Variants in SV2C observed in about 807,000 individuals in gnomAD.
SV2C encodes the protein solute carrier family 22 member B3.
In SV2C, 49 loss-of-function variants were observed where a neutral mutation model predicts 79.7. The observed-to-expected ratio is 0.61, with a 90% CI of 0.49 to 0.78. SV2C has a LOEUF of 0.78. Among genes scored for constraint, SV2C ranks in the 30% least tolerant of loss-of-function variants. SV2C has a pLI of 0.00. For missense variants in SV2C, 833 were observed against 912.9 expected, an observed-to-expected ratio of 0.91 and a Z score of 1.13; for synonymous variants, 334 against 333.2, an observed-to-expected ratio of 1.00 and a Z score of -0.03.
intron 4 of SV2C, among the ~76,000 whole-genome samples, chr5:76,261,129 T>C (rs1175293890): frequency 2.0e-5 from 3 of 152,200 alleles, no homozygotes; most frequent in Admixed American, 6.5e-5. Context: ...GAGCAATGGT[T>C]TGTATTTCTC....
chr5:76,339,386 G>A (rs754072832), intron 12 of SV2C, among the ~76,000 whole-genome samples: 1 of 152,136 alleles, frequency 6.6e-6, no homozygotes, highest in East Asian at 1.9e-4. Context: ...ATAAAAACTG[G>A]TTGTGATTAG....
At chr5:75,947,237 G>A in the SV2C span, among the ~76,000 whole-genome samples, 2 of 152,052 alleles carry the variant, frequency 1.3e-5, no homozygotes, top group African/African-American at 4.8e-5. Flanking sequence ...TTAACTTGTG[G>A]AGTGGAATCC....
chr5:76,130,815 G>A (rs937065339), intron 1 of SV2C, among the ~76,000 whole-genome samples: 1 of 152,092 alleles, frequency 6.6e-6, no homozygotes, highest in Non-Finnish European at 1.5e-5. Flanking sequence ...GAGGGAGAGA[G>A]GGAGAGAGAG....
the SV2C span, among the ~76,000 whole-genome samples, chr5:76,023,505 A>G: frequency 6.6e-6 from 1 of 152,034 alleles, no homozygotes; most frequent in African/African-American, 2.4e-5. Flanking sequence ...ACAGGAGTAC[A>G]AGAGCTTGTG....
At chr5:75,918,145 C>G in the SV2C span, among the ~76,000 whole-genome samples, 4 of 152,130 alleles carry the variant, frequency 2.6e-5, no homozygotes, top group African/African-American at 9.7e-5. Context: ...GGCAAGTGAA[C>G]AAATAATATG....
chr5:76,246,961 C>T (rs557052587), intron 4 of SV2C, among the ~76,000 whole-genome samples: 141 of 152,138 alleles, frequency 9.3e-4, no homozygotes, highest in Admixed American at 2.4e-3. Flanking sequence ...GGTGGAGGTA[C>T]GAAGAGATTC....
the SV2C span, among the ~76,000 whole-genome samples, chr5:75,974,578 T>C: frequency 6.6e-6 from 1 of 152,182 alleles, no homozygotes; most frequent in African/African-American, 2.4e-5. Context: ...TTTACCTGAT[T>C]GATTTGTAGT....
At chr5:75,950,566 A>G in the SV2C span, among the ~76,000 whole-genome samples, 1 of 152,032 alleles carries the variant, frequency 6.6e-6, no homozygotes, top group Non-Finnish European at 1.5e-5. Context: ...TGGTCAAAAT[A>G]TGCTTGGAAA....
At chr5:76,248,675 G>A (rs186058406) in intron 4 of SV2C, among the ~76,000 whole-genome samples, 59 of 151,132 alleles carry the variant, frequency 3.9e-4, no homozygotes, top group African/African-American at 1.4e-3. Context: ...CTGGAGTGCA[G>A]TGGTGCGATC....
chr5:76,223,371 T>C (rs1745128318), intron 4 of SV2C, among the ~76,000 whole-genome samples: 1 of 146,668 alleles, frequency 6.8e-6, no homozygotes, highest in Non-Finnish European at 1.5e-5. Context: ...GAGGTTACAA[T>C]GAGTCATGGT....
intron 2 of SV2C, among the ~76,000 whole-genome samples, chr5:76,160,918 C>T (rs1195811022): frequency 1.3e-5 from 2 of 151,314 alleles, no homozygotes; most frequent in South Asian, 2.1e-4. Flanking sequence ...GAAACCCTCA[C>T]ACACTGCTGG....
chr5:76,213,530 C>T lies in SV2C; in HGVS notation c.913+3643C>T, dbSNP rs147818959. Reference sequence around the variant, plus strand: ...TGAAAACACTCATGCTTGGATTTACCCCACATCAATCAAATCAGATTCTCT... The same window carrying T: ...TGAAAACACTCATGCTTGGATTTACTCCACATCAATCAAATCAGATTCTCT... On this transcript the variant is annotated intron_variant, in intron 4 of 12. Transcript: ENST00000502798. Among the ~76,000 whole-genome samples the T allele has an allele frequency of 7.0e-3, 1,069 of 152,226 alleles. 10 individuals carry two copies. The highest frequency in any genetic ancestry group is 0.012 in the Non-Finnish European group (808 of 67,996).
At chr5:75,915,540 T>TA in the SV2C span, among the ~76,000 whole-genome samples, 1 of 152,226 alleles carries the variant, frequency 6.6e-6, no homozygotes, top group East Asian at 1.9e-4. Flanking sequence ...AATATATAGT[T>TA]AGATATGAGC....
At chr5:76,131,245 C>T (rs527883839) in intron 1 of SV2C, among the ~76,000 whole-genome samples, 2 of 152,092 alleles carry the variant, frequency 1.3e-5, no homozygotes, top group Non-Finnish European at 2.9e-5. Context: ...TCTGGTTTGT[C>T]TTTGCAATAT....
intron 1 of SV2C, among the ~76,000 whole-genome samples, chr5:76,103,199 T>C (rs1052368771): frequency 2.0e-5 from 3 of 152,204 alleles, no homozygotes; most frequent in Admixed American, 6.5e-5. Flanking sequence ...TTTACCAGTA[T>C]GTATTTAGTC....
chr5:76,230,978 T>C (rs1032829307), intron 4 of SV2C, among the ~76,000 whole-genome samples: 3 of 152,246 alleles, frequency 2.0e-5, no homozygotes, highest in African/African-American at 7.2e-5. Context: ...CATAACATCC[T>C]GAGTTCCTGT....
At chr5:76,282,905 A>G (rs771392767) in intron 4 of SV2C, among the ~76,000 whole-genome samples, 1 of 152,102 alleles carries the variant, frequency 6.6e-6, no homozygotes, top group African/African-American at 2.4e-5. Context: ...CCAGCTACTC[A>G]GGAGGCTAAG....
chr5:76,229,708 G>C (rs891800822), intron 4 of SV2C, among the ~76,000 whole-genome samples: 1 of 152,240 alleles, frequency 6.6e-6, no homozygotes, highest in African/African-American at 2.4e-5. Context: ...TTATCCCCTG[G>C]GGGGCTTGCA....
the SV2C span, among the ~76,000 whole-genome samples, chr5:76,047,144 G>A: frequency 6.6e-6 from 1 of 152,078 alleles, no homozygotes; most frequent in African/African-American, 2.4e-5. Context: ...AAAATCATAA[G>A]CGTACAGCTT....
Sources: allele counts gnomAD v4.1 joint callset (sites outside exome capture counted in the v4.1 genomes callset), GRCh38; gene constraint gnomAD v4.1.1; transcripts MANE v1.5; gene names NCBI Gene and HGNC (gene_info 2026-07-23, HGNC 2026-07-21).